Variants in CRISPLD2 observed in about 807,000 individuals in gnomAD.
CRISPLD2 encodes cysteine-rich secretory protein LCCL domain-containing 2.
CRISPLD2 carries 47 observed loss-of-function variants against 71.1 expected under a neutral mutation model. The observed-to-expected ratio is 0.66, with a 90% CI of 0.52 to 0.84. CRISPLD2 has a LOEUF of 0.84. Among genes scored for constraint, CRISPLD2 ranks in the 40% least tolerant of loss-of-function variants. The probability of loss-of-function intolerance (pLI) is 0.00; values close to 1 mark genes in which losing one functional copy is unlikely to be tolerated. For missense variants in CRISPLD2, 830 were observed against 651.1 expected, an observed-to-expected ratio of 1.27 and a Z score of -2.99; for synonymous variants, 317 against 250.1, an observed-to-expected ratio of 1.27 and a Z score of -2.52.
chr16:84,850,438 C>G, intron 4 of CRISPLD2, 130 bp from the exon 5 acceptor site: 1 of 708,814 alleles, frequency 1.4e-6, no homozygotes, highest in Non-Finnish European at 2.5e-6. Flanking sequence ...GGGTTAGGGA[C>G]TAATATCTGC....
intron 13 of CRISPLD2, among the ~76,000 whole-genome samples, chr16:84,881,112 C>A (rs2071565062): frequency 6.6e-6 from 1 of 152,204 alleles, no homozygotes; most frequent in African/African-American, 2.4e-5. Flanking sequence ...AATGCAGATT[C>A]AGGAGTGCCT....
chr16:84,881,681 G>T (rs1311957504), intron 13 of CRISPLD2, among the ~76,000 whole-genome samples: 1 of 151,998 alleles, frequency 6.6e-6, no homozygotes, highest in East Asian at 1.9e-4. Flanking sequence ...TCACTATGTT[G>T]CCCAGGCTGA....
At chr16:84,873,786 T>G in intron 10 of CRISPLD2, 134 bp from the exon 11 acceptor site, 1 of 827,190 alleles carries the variant, frequency 1.2e-6, no homozygotes, top group Non-Finnish European at 1.8e-6. Context: ...GCTCTCAGGC[T>G]GATAGGAAAC....
intron 5 of CRISPLD2, among the ~76,000 whole-genome samples, chr16:84,852,320 A>C (rs189119652): frequency 7.6e-5 from 11 of 144,244 alleles, no homozygotes; most frequent in Non-Finnish European, 1.7e-4. Context: ...CCAGATGGAG[A>C]TGGACAGTGT....
At chr16:84,846,766 G>T (rs796864329) in intron 3 of CRISPLD2, among the ~76,000 whole-genome samples, 1 of 152,124 alleles carries the variant, frequency 6.6e-6, no homozygotes, top group Non-Finnish European at 1.5e-5. Flanking sequence ...GACCCCCGAG[G>T]CTTCCCTGTC....
chr16:84,854,905 A>G, intron 6 of CRISPLD2, 76 bp downstream of exon 6: 2 of 1,155,608 alleles, frequency 1.7e-6, no homozygotes, highest in Non-Finnish European at 2.6e-6. Flanking sequence ...TACATGAAAC[A>G]GGGGAATTAA....
intron 14 of CRISPLD2, among the ~76,000 whole-genome samples, chr16:84,902,588 T>C (rs4782681): frequency 0.61 from 91,130 of 149,640 alleles, 28,374 homozygotes; most frequent in East Asian, 0.85. Flanking sequence ...ACAGCCTGGG[T>C]GACAGAGCGA....
chr16:84,906,662 A>G lies in CRISPLD2; in HGVS notation c.*20A>G, dbSNP rs1291472962. 2.5e-5 allele frequency: 40 copies of G among 1,613,864 alleles called. No individual in the cohort carries two copies. Among genetic ancestry groups the G allele is most frequent in the Middle Eastern group, 1.6e-4 (1 of 6,068 alleles). ...CAGTGAATTTCCAGCACCAGGGGAG[A>G]AGGGGCGTCTTCAGGAGGGCTTCGG... On this transcript the variant is annotated 3_prime_UTR_variant, in exon 15 of 15. Transcript: ENST00000262424.
intron 6 of CRISPLD2, among the ~76,000 whole-genome samples, chr16:84,855,289 T>G (rs554840874): frequency 6.6e-6 from 1 of 152,122 alleles, no homozygotes; most frequent in Non-Finnish European, 1.5e-5. Context: ...TATATAAATA[T>G]GTATATATGA....
chr16:84,871,714 G>T (rs886552038), intron 8 of CRISPLD2, among the ~76,000 whole-genome samples: 3 of 151,918 alleles, frequency 2.0e-5, no homozygotes, highest in African/African-American at 7.3e-5. Context: ...ACCACACGCG[G>T]CTAATTTTTA....
At chr16:84,897,989 G>C (rs1057036300) in intron 14 of CRISPLD2, among the ~76,000 whole-genome samples, 1 of 152,186 alleles carries the variant, frequency 6.6e-6, no homozygotes, top group Non-Finnish European at 1.5e-5. Context: ...AGCTCTTCAA[G>C]CCCTAGCCTG....
At chr16:84,886,961 C>T (rs772101852) in intron 13 of CRISPLD2, among the ~76,000 whole-genome samples, 1 of 152,244 alleles carries the variant, frequency 6.6e-6, no homozygotes, top group South Asian at 2.1e-4. Flanking sequence ...ACCCACTGAA[C>T]TGCAACTTCC....
intron 1 of CRISPLD2, among the ~76,000 whole-genome samples, chr16:84,821,351 C>G (rs1221031332): frequency 1.3e-5 from 2 of 152,202 alleles, no homozygotes; most frequent in African/African-American, 4.8e-5. Context: ...TGTTCCCACT[C>G]AGGAGAAGGG....
chr16:84,832,354 G>T (rs1916508463), intron 1 of CRISPLD2, among the ~76,000 whole-genome samples: 2 of 152,264 alleles, frequency 1.3e-5, no homozygotes. Context: ...CCAGTGAGGG[G>T]CAAGGTCAAG....
intron 13 of CRISPLD2, among the ~76,000 whole-genome samples, chr16:84,884,414 G>C (rs755610346): frequency 6.6e-6 from 1 of 152,198 alleles, no homozygotes; most frequent in Admixed American, 6.5e-5. Context: ...TATGACCTGT[G>C]ACCATCCCTG....
At chr16:84,905,389 A>C (rs139158561) in intron 14 of CRISPLD2, among the ~76,000 whole-genome samples, 5 of 152,296 alleles carry the variant, frequency 3.3e-5, no homozygotes, top group Admixed American at 3.3e-4. Flanking sequence ...AAACTTAATA[A>C]AGTTGGTTTG....
rs1354023388 is a variant in CRISPLD2 at position 84,838,660 on chromosome 16, C to G, written c.165C>G (p.Asp55Glu). 1.2e-6 allele frequency: 2 copies of G among 1,614,242 alleles called. No homozygotes were observed. Among genetic ancestry groups the G allele is most frequent in the Non-Finnish European group, 1.7e-6 (2 of 1,180,038 alleles). Residue 55 changes from aspartate (D) to glutamate (E), a missense_variant, in exon 2 of 15, where the codon GAC becomes GAG. Coordinates refer to ENST00000262424, the MANE Select transcript of CRISPLD2 (RefSeq NM_031476.4). ...SRVRRAIPRE[D>E]KEEILMLHNK... The stretch of plus-strand genomic sequence containing the variant: ...TCCGCAGAGCCATCCCCAGGGAGGA[C>G]AAGGAGGAGATCCTCATGCTGCACA...
chr16:84,870,032 G>A (rs373088116), intron 8 of CRISPLD2, among the ~76,000 whole-genome samples: 3 of 152,186 alleles, frequency 2.0e-5, no homozygotes, highest in East Asian at 3.8e-4. Context: ...GCCCCAGTGT[G>A]CCACTGTGGG....
intron 9 of CRISPLD2, 42 bp from the exon 10 acceptor site, chr16:84,872,950 G>C: frequency 6.4e-7 from 1 of 1,573,552 alleles, no homozygotes; most frequent in Non-Finnish European, 8.6e-7. Flanking sequence ...TGCTGACAGA[G>C]GTTGAGAATG....
Sources: allele counts gnomAD v4.1 joint callset (sites outside exome capture counted in the v4.1 genomes callset), GRCh38; gene constraint gnomAD v4.1.1; transcripts MANE v1.5; gene names NCBI Gene and HGNC (gene_info 2026-07-23, HGNC 2026-07-21).